EBF3: variants seen among roughly 807,000 people sequenced by gnomAD.
EBF3 encodes EBF transcription factor 3.
EBF3 carries 18 observed loss-of-function variants against 77.1 expected under a neutral mutation model. That is an observed-to-expected ratio of 0.23 (90% CI 0.16 to 0.35). EBF3 has a LOEUF of 0.35. Among genes scored for constraint, EBF3 ranks in the 10% least tolerant of loss-of-function variants. The pLI is 1.00. For synonymous variants in EBF3, 350 were observed against 343.5 expected, an observed-to-expected ratio of 1.02 and a Z score of -0.21; for missense variants, 558 against 860.0, an observed-to-expected ratio of 0.65 and a Z score of 4.39.
At chr10:129,896,101 G>GAA (rs1854351436) in intron 6 of EBF3, among the ~76,000 whole-genome samples, 1 of 129,544 alleles carries the variant, frequency 7.7e-6, no homozygotes, top group African/African-American at 3.0e-5. Context: ...AACTTGTCCA[G>GAA]AAAAACACAG....
At chr10:129,957,830 C>T (rs1294141265) in intron 5 of EBF3, among the ~76,000 whole-genome samples, 1 of 152,166 alleles carries the variant, frequency 6.6e-6, no homozygotes. Context: ...TTAAGCCTAC[C>T]TTAACTCTGT....
At chr10:129,899,112 CAG>C (rs149534386) in intron 6 of EBF3, among the ~76,000 whole-genome samples, 203 of 152,364 alleles carry the variant, frequency 1.3e-3, no homozygotes, top group African/African-American at 4.5e-3. Flanking sequence ...TGCTTATCAG[CAG>C]AGTGTCAGAA....
chr10:129,914,467 A>C (rs1304566766), intron 6 of EBF3, among the ~76,000 whole-genome samples: 1 of 152,158 alleles, frequency 6.6e-6, no homozygotes, highest in Admixed American at 6.5e-5. Flanking sequence ...TCGGAACCGC[A>C]GGGTGGGGAA....
rs548526750 is a variant in EBF3 at position 129,899,417 on chromosome 10, G to A, written c.555-21568C>T. On this transcript the variant is annotated intron_variant, in intron 6 of 16. Coordinates refer to ENST00000440978, the MANE Select transcript of EBF3 (RefSeq NM_001375380.1). ...CTCCTCCAGGCCCCGCCTCACCATG[G>A]ACTGTGCCGGAGGACGGTGAGGCAG... Among the ~76,000 whole-genome samples the A allele has an allele frequency of 4.6e-5, 7 of 152,358 alleles. No individual in the cohort carries two copies. In the South Asian group the frequency reaches 1.4e-3, roughly 32 times the overall value.
chr10:129,857,183 G>A (rs1202311484), intron 10 of EBF3, among the ~76,000 whole-genome samples: 1 of 152,196 alleles, frequency 6.6e-6, no homozygotes, highest in Non-Finnish European at 1.5e-5. Flanking sequence ...AGGCAGAGAC[G>A]CTTTAAAGAC....
chr10:129,845,425 C>T (rs1850381864), intron 11 of EBF3: 1 of 152,170 alleles, frequency 6.6e-6, no homozygotes. Flanking sequence ...TGTTTCATGA[C>T]AAATGTACAG....
chr10:129,880,630 G>A (rs548292510), intron 6 of EBF3, among the ~76,000 whole-genome samples: 16 of 152,256 alleles, frequency 1.1e-4, no homozygotes, highest in South Asian at 6.2e-4. Context: ...AAGAGCTGTC[G>A]TGCACAACCC....
chr10:129,880,220 G>A (rs1853094346), intron 6 of EBF3, among the ~76,000 whole-genome samples: 3 of 152,042 alleles, frequency 2.0e-5, no homozygotes, highest in African/African-American at 7.3e-5. Context: ...TCGGGTGCTG[G>A]ACCCCAGAAA....
chr10:129,837,772 T>TTTAAA lies in EBF3; in HGVS notation c.*166_*170dup, dbSNP rs1196255621. On this transcript the variant is annotated 3_prime_UTR_variant, in exon 17 of 17. Coordinates refer to ENST00000440978, the MANE Select transcript of EBF3 (RefSeq NM_001375380.1). ...CTGTTTGCATGTTGATTCTTAATAGTTTAAATAAAATCTTTAAACAAAGTC... is the reference window on the plus strand; with the variant it reads ...CTGTTTGCATGTTGATTCTTAATAGTTTAAATTAAATAAAATCTTTAAACAAAGTC... The TTTAAA allele has an allele frequency of 3.7e-6, 3 of 809,452 alleles. No individual in the cohort carries two copies. The East Asian group carries it at 8.2e-5, about 22-fold the overall frequency. The allele number at this position is 809,452 out of a possible 1,614,324, so 50.1% of individuals were successfully genotyped here. A position where few individuals can be genotyped will look rare whatever the true frequency, so the allele number is the denominator to read the frequency against.
At chr10:129,913,367 T>TA (rs1855655491) in intron 6 of EBF3, among the ~76,000 whole-genome samples, 1 of 152,268 alleles carries the variant, frequency 6.6e-6, no homozygotes, top group Non-Finnish European at 1.5e-5. Flanking sequence ...CAGAGGTCCC[T>TA]AAATGAGGGA....
chr10:129,945,691 T>C (rs540179930), intron 6 of EBF3, among the ~76,000 whole-genome samples: 3 of 152,208 alleles, frequency 2.0e-5, no homozygotes, highest in African/African-American at 7.2e-5. Flanking sequence ...TCCGACACCA[T>C]TGTACATTCT....
chr10:129,874,241 A>G (rs1295427599), intron 7 of EBF3, among the ~76,000 whole-genome samples: 1 of 152,202 alleles, frequency 6.6e-6, no homozygotes, highest in Admixed American at 6.5e-5. Flanking sequence ...AAGGCTGGCA[A>G]GGACCCTGGT....
chr10:129,894,244 T>C (rs947471520), intron 6 of EBF3, among the ~76,000 whole-genome samples: 1 of 152,218 alleles, frequency 6.6e-6, no homozygotes, highest in Admixed American at 6.5e-5. Context: ...CATGTAAACC[T>C]CCTGATTTCA....
intron 6 of EBF3, among the ~76,000 whole-genome samples, chr10:129,946,245 G>A (rs1262018707): frequency 1.3e-5 from 2 of 152,168 alleles, no homozygotes; most frequent in South Asian, 4.1e-4. Flanking sequence ...CCCAGCACAC[G>A]CAATAAATTA....
chr10:129,963,589 C>T lies in EBF3; in HGVS notation c.134+46G>A, dbSNP rs1589975054. 8.1e-6 allele frequency: 10 copies of T among 1,234,558 alleles called. No individual in the cohort carries two copies. Among genetic ancestry groups the T allele is most frequent in the East Asian group, 8.5e-5 (2 of 23,522 alleles). The allele number at this position is 1,234,558 out of a possible 1,614,324, so 76.5% of individuals were successfully genotyped here. A position where few individuals can be genotyped will look rare whatever the true frequency, so the allele number is the denominator to read the frequency against. ...CGCCGGCCGGCGGAGGGGGCCGGGC[C>T]GGGCCGGGGCCGGGGCCAGGGCGCG... On this transcript the variant is annotated intron_variant, in intron 1 of 16. Transcript: ENST00000440978. The surrounding 1 kb of genome is among the most constrained non-coding windows in gnomAD (Gnocchi z 7.1).
Position 129,953,743 on chromosome 10 carries a change from C to T in EBF3, c.554+3515G>A, listed in dbSNP as rs527782030. Among the ~76,000 whole-genome samples, 4 of 152,336 alleles carry T rather than the reference C, an allele frequency of 2.6e-5. No homozygotes were observed. In the East Asian group the frequency reaches 7.7e-4, roughly 29 times the overall value. ...CACTTTGCAACAGTTGGACCTTGCA[C>T]CTTCCATCCACCCAGCCCAAGCAAG... On this transcript the variant is annotated intron_variant, in intron 6 of 16. Coordinates refer to ENST00000440978, the MANE Select transcript of EBF3 (RefSeq NM_001375380.1).
At chr10:129,915,640 G>A (rs1221082059) in intron 6 of EBF3, among the ~76,000 whole-genome samples, 1 of 152,222 alleles carries the variant, frequency 6.6e-6, no homozygotes, top group Non-Finnish European at 1.5e-5. Context: ...GAGAGTGCGG[G>A]AAAGCTGTGC....
intron 6 of EBF3, among the ~76,000 whole-genome samples, chr10:129,886,482 T>C (rs1853595201): frequency 1.3e-5 from 2 of 152,176 alleles, no homozygotes; most frequent in Admixed American, 6.5e-5. Flanking sequence ...TCTCTTCACC[T>C]CCCTTTGTTG....
At chr10:129,931,239 G>C (rs1036232438) in intron 6 of EBF3, among the ~76,000 whole-genome samples, 16 of 152,172 alleles carry the variant, frequency 1.1e-4, no homozygotes, top group Admixed American at 1.3e-4. Context: ...AGCACTTAAA[G>C]AGAAGCAGAA....
Sources: allele counts gnomAD v4.1 joint callset (sites outside exome capture counted in the v4.1 genomes callset), GRCh38; gene constraint gnomAD v4.1.1; non-coding constraint Gnocchi (gnomAD v3.1); transcripts MANE v1.5; gene names NCBI Gene and HGNC (gene_info 2026-07-23, HGNC 2026-07-21).